The following CADM2 variants were observed in gnomAD, a reference collection of about 807,000 sequenced individuals.
The protein encoded by CADM2 is immunoglobulin superfamily member 4D.
CADM2 carries 12 observed loss-of-function variants against 49.8 expected under a neutral mutation model. That is an observed-to-expected ratio of 0.24 (90% confidence interval 0.15 to 0.39). The LOEUF (loss-of-function observed/expected upper bound fraction) is 0.39, where lower values mean the gene tolerates loss of function less well. Ranked by LOEUF, CADM2 falls within the 10% of genes least tolerant of loss-of-function variation. The pLI is 1.00. For synonymous variants in CADM2, 214 were observed against 175.4 expected (o/e 1.22, Z -1.74); for missense variants, 378 against 492.3 (o/e 0.77, Z 2.20).
In CADM2 at chr3:85,199,333, TTG is replaced by T. The variant is rs35067183; in HGVS notation, c.61+239699_61+239700del. On this transcript the variant is annotated intron_variant, in intron 1 of 9. Transcript: ENST00000383699. ...AGAATGTCTTCTGATGTAACTCTCT[TTG>T]TGTGTGTGTGTGTGTGTGTGTGTGT... 6.6e-3 allele frequency among the ~76,000 whole-genome samples: 882 copies of T among 134,318 alleles called. 4 individuals are homozygous for T. The highest frequency in any genetic ancestry group is 7.4e-3 in the Middle Eastern group (2 of 272). The allele number at this position is 134,318 out of a possible 152,430, so 88.1% of individuals were successfully genotyped here. A position where few individuals can be genotyped will look rare whatever the true frequency, so the allele number is the denominator to read the frequency against.
intron 1 of CADM2, among the ~76,000 whole-genome samples, chr3:85,253,401 CT>C (rs1385177182): frequency 2.0e-5 from 3 of 152,122 alleles, no homozygotes; most frequent in Non-Finnish European, 4.4e-5. Context: ...GATGATCACT[CT>C]TTTTTTCCCT....
intron 1 of CADM2, among the ~76,000 whole-genome samples, chr3:85,154,798 G>T (rs1362702287): frequency 6.8e-6 from 1 of 146,164 alleles, no homozygotes; most frequent in Admixed American, 6.8e-5. Flanking sequence ...CATTCTTAAA[G>T]AAAAGAATTT....
chr3:85,177,786 G>A (rs1403090502), intron 1 of CADM2, among the ~76,000 whole-genome samples: 1 of 151,852 alleles, frequency 6.6e-6, no homozygotes, highest in Admixed American at 6.6e-5. Context: ...TGTTGGATGA[G>A]TAGTGTATCA....
chr3:86,021,069 G>T (rs538654915), intron 8 of CADM2, among the ~76,000 whole-genome samples: 94 of 152,038 alleles, frequency 6.2e-4, no homozygotes, highest in African/African-American at 2.2e-3. Flanking sequence ...ACGAGATCTC[G>T]GCTCACTGCA....
intron 1 of CADM2, among the ~76,000 whole-genome samples, chr3:85,278,914 T>C (rs2043427516): frequency 6.6e-6 from 1 of 151,524 alleles, no homozygotes; most frequent in South Asian, 2.1e-4. Flanking sequence ...CATATCAATG[T>C]AAAACCATAC....
At chr3:85,383,488 C>G (rs1007276684) in intron 1 of CADM2, among the ~76,000 whole-genome samples, 2 of 141,338 alleles carry the variant, frequency 1.4e-5, no homozygotes, top group African/African-American at 5.2e-5. Context: ...TAATATAATA[C>G]TTTATACATA....
rs574855418 is a variant in CADM2 at position 85,789,990 on chromosome 3, C to T, written c.89-12057C>T. Among the ~76,000 whole-genome samples the T allele has an allele frequency of 2.6e-5, 4 of 152,246 alleles. No homozygotes were observed. In the East Asian group the frequency reaches 7.7e-4, roughly 29 times the overall value. ...AAGCAATGCAGCCACTGGGTAAGAA[C>T]ATAAAGCATCCTTTAAATAAAGTTT... On this transcript the variant is annotated intron_variant, in intron 2 of 9. Coordinates refer to ENST00000383699, the MANE Select transcript of CADM2 (RefSeq NM_001167675.2).
chr3:85,300,506 A>C lies in CADM2; in HGVS notation c.61+340838A>C, dbSNP rs1438717574. Among the ~76,000 whole-genome samples the C allele has an allele frequency of 2.0e-5, 3 of 152,098 alleles. No individual in the cohort carries two copies. The East Asian group carries it at 5.8e-4, about 29-fold the overall frequency. ...GACTAGTTTCTGAAATATAAAATAC[A>C]AGATCTTCTGTACCCAAATAATGTT... is the stretch of plus-strand genomic sequence containing the variant. On this transcript the variant is annotated intron_variant, in intron 1 of 9. Transcript: ENST00000383699.
intron 2 of CADM2, among the ~76,000 whole-genome samples, chr3:85,746,350 T>G (rs1421916895): frequency 1.3e-5 from 2 of 152,188 alleles, no homozygotes; most frequent in African/African-American, 4.8e-5. Flanking sequence ...GATGTATATT[T>G]GGAAAAGCCC....
chr3:86,032,778 C>A (rs1378718181), intron 8 of CADM2, among the ~76,000 whole-genome samples: 1 of 151,902 alleles, frequency 6.6e-6, no homozygotes, highest in Non-Finnish European at 1.5e-5. Context: ...AATTAAACCT[C>A]CTCAAATATT....
intron 1 of CADM2, among the ~76,000 whole-genome samples, chr3:85,564,350 G>A (rs1055797501): frequency 1.3e-5 from 2 of 152,058 alleles, no homozygotes; most frequent in East Asian, 1.9e-4. Context: ...TAACTGCAGA[G>A]TCAGATATCT....
In CADM2 at chr3:85,464,615, A is replaced by G. The variant is rs191527162; in HGVS notation, c.62-261907A>G. On this transcript the variant is annotated intron_variant, in intron 1 of 9. Transcript: ENST00000383699. ...TTTAGGCAGATGAAAGAATAATAAAAATGATTTTTCTCTCCGTTTAAAGGC... is the reference window on the plus strand; with the variant it reads ...TTTAGGCAGATGAAAGAATAATAAAGATGATTTTTCTCTCCGTTTAAAGGC... Among the ~76,000 whole-genome samples, 11 of 152,264 alleles carry G rather than the reference A, an allele frequency of 7.2e-5. No individual in the cohort carries two copies. The South Asian group carries it at 2.1e-3, about 29-fold the overall frequency.
intron 1 of CADM2, among the ~76,000 whole-genome samples, chr3:85,065,890 T>C (rs2036512025): frequency 6.6e-6 from 1 of 152,172 alleles, no homozygotes; most frequent in South Asian, 2.1e-4. Flanking sequence ...TAACTTTCTT[T>C]ACTTTAAGCT....
At chr3:85,683,299 G>A (rs1667736329) in intron 1 of CADM2, among the ~76,000 whole-genome samples, 1 of 152,034 alleles carries the variant, frequency 6.6e-6, no homozygotes, top group Admixed American at 6.5e-5. Context: ...TCCCTAATGT[G>A]TTTATTCAGA....
chr3:85,178,774 T>TA (rs1463823368), intron 1 of CADM2, among the ~76,000 whole-genome samples: 2 of 151,766 alleles, frequency 1.3e-5, no homozygotes, highest in Non-Finnish European at 3.0e-5. Flanking sequence ...ATAAAAAATG[T>TA]AAAAATACGT....
chr3:85,382,990 A>C (rs1285435984), intron 1 of CADM2, among the ~76,000 whole-genome samples: 1 of 152,128 alleles, frequency 6.6e-6, no homozygotes, highest in Non-Finnish European at 1.5e-5. Context: ...GCAGGTAGAC[A>C]ATGCTGAAAA....
intron 1 of CADM2, among the ~76,000 whole-genome samples, chr3:85,539,685 T>C (rs962785057): frequency 6.6e-6 from 1 of 152,146 alleles, no homozygotes; most frequent in Non-Finnish European, 1.5e-5. Flanking sequence ...TCTTTATTTT[T>C]TAATGGGGTA....
At chr3:85,677,074 T>C (rs2065906350) in intron 1 of CADM2, among the ~76,000 whole-genome samples, 1 of 152,158 alleles carries the variant, frequency 6.6e-6, no homozygotes, top group African/African-American at 2.4e-5. Flanking sequence ...TAGCCTAAAA[T>C]TAAATTAGCT....
chr3:85,444,374 A>T (rs1398711884), intron 1 of CADM2, among the ~76,000 whole-genome samples: 1 of 152,028 alleles, frequency 6.6e-6, no homozygotes, highest in South Asian at 2.1e-4. Context: ...CTGGATTTAT[A>T]AGTTGTCCAA....
Sources: allele counts gnomAD v4.1 joint callset (sites outside exome capture counted in the v4.1 genomes callset), GRCh38; gene constraint gnomAD v4.1.1; transcripts MANE v1.5; gene names NCBI Gene and HGNC (gene_info 2026-07-23, HGNC 2026-07-21).